The following HBG1 variants were observed in gnomAD, a reference collection of about 807,000 sequenced individuals.
The protein encoded by HBG1 is hemoglobin subunit gamma-1.
Under a neutral mutation model 5.9 loss-of-function variants are expected in HBG1, and 1 was observed. The ratio of observed to expected loss-of-function variants is 0.17; its 90% CI spans 0.06 to 0.81. HBG1 has a LOEUF of 0.81. Ranked by LOEUF, HBG1 falls within the 30% of genes least tolerant of loss-of-function variation. The probability of loss-of-function intolerance (pLI) is 0.73; values close to 1 mark genes in which losing one functional copy is unlikely to be tolerated. For synonymous variants in HBG1, 19 were observed against 50.5 expected, an observed-to-expected ratio of 0.38 and a Z score of 2.64; for missense variants, 57 against 122.0, an observed-to-expected ratio of 0.47 and a Z score of 2.51.
Position 5,249,718 on chromosome 11 carries a change from C to T in HBG1, c.87G>A (p.Leu29=). Residue 29 remains leucine (L), a synonymous_variant, in exon 1 of 3, where the codon CTG becomes CTA. Coordinates refer to ENST00000330597, the MANE Select transcript of HBG1 (RefSeq NM_000559.3). ...TCCTGGTCACCAGAGCCTACCTTCC[C>T]AGGGTTTCTCCTCCAGCATCTTCCA... is the stretch of plus-strand genomic sequence containing the variant. ...VNVEDAGGET[L]GRLLVVYPWT... is the part of the protein sequence containing the mutation. 2.7e-6 allele frequency: 1 copy of T among 366,214 alleles called. No homozygotes were observed. The allele number at this position is 366,214 out of a possible 1,614,324, so 22.7% of individuals were successfully genotyped here.
In HBG1 at chr11:5,248,325, T is replaced by A; in HGVS notation, c.*34A>T. On this transcript the variant is annotated 3_prime_UTR_variant, in exon 3 of 3. Coordinates refer to ENST00000330597, the MANE Select transcript of HBG1 (RefSeq NM_000559.3). Reference sequence around the variant, plus strand: ...TTTGTATTGCTTGCAGAATAAAGCCTATCCTTGAAAGCTCTGAATCATGGG... The same window carrying A: ...TTTGTATTGCTTGCAGAATAAAGCCAATCCTTGAAAGCTCTGAATCATGGG... 6.2e-7 allele frequency: 1 copy of A among 1,612,392 alleles called. No homozygotes were observed. Among genetic ancestry groups the A allele is most frequent in the Non-Finnish European group, 8.5e-7 (1 of 1,178,446 alleles).
rs2133609164 is a variant in HBG1 at position 5,249,602 on chromosome 11, A to G, written c.93-12T>C. On this transcript the variant is annotated splice_polypyrimidine_tract_variant and intron_variant, in intron 1 of 2. Coordinates refer to ENST00000330597, the MANE Select transcript of HBG1 (RefSeq NM_000559.3). ...AGACAACCAGGAGCCTGTGAGATTG[A>G]CAAGAACAGTTTGACAGTCAGAAGG... 1.4e-6 allele frequency: 1 copy of G among 729,984 alleles called. No individual in the cohort carries two copies. The highest frequency in any genetic ancestry group is 1.8e-5 in the South Asian group (1 of 54,742). The allele number at this position is 729,984 out of a possible 1,614,324, so 45.2% of individuals were successfully genotyped here. A position where few individuals can be genotyped will look rare whatever the true frequency, so the allele number is the denominator to read the frequency against.
At position 5,248,305 on chromosome 11, in the gene HBG1, A is replaced by G; in HGVS notation, c.*54T>C. 6.4e-7 allele frequency: 1 copy of G among 1,564,840 alleles called. No homozygotes were observed. Among genetic ancestry groups the G allele is most frequent in the Non-Finnish European group, 8.7e-7 (1 of 1,151,450 alleles). ...TCAGCAGAATAGATTTATTATTTGT[A>G]TTGCTTGCAGAATAAAGCCTATCCT... On this transcript the variant is annotated 3_prime_UTR_variant, in exon 3 of 3. Transcript: ENST00000330597.
At position 5,248,312 on chromosome 11, in the gene HBG1, G is replaced by A. The variant is rs1257967545; in HGVS notation, c.*47C>T. 18 of 1,605,706 alleles carry A rather than the reference G, an allele frequency of 1.1e-5. No individual in the cohort carries two copies. In the South Asian group the frequency reaches 1.5e-4, roughly 14 times the overall value. Reference sequence around the variant, plus strand: ...AATAGATTTATTATTTGTATTGCTTGCAGAATAAAGCCTATCCTTGAAAGC... The same window carrying A: ...AATAGATTTATTATTTGTATTGCTTACAGAATAAAGCCTATCCTTGAAAGC... On this transcript the variant is annotated 3_prime_UTR_variant, in exon 3 of 3. Transcript: ENST00000330597.
In HBG1 at chr11:5,248,303, G is replaced by C; in HGVS notation, c.*56C>G. 10 of 1,597,662 alleles carry C rather than the reference G, an allele frequency of 6.3e-6. No homozygotes were observed. Among genetic ancestry groups the C allele is most frequent in the Non-Finnish European group, 7.7e-6 (9 of 1,165,818 alleles). ...TCTCAGCAGAATAGATTTATTATTT[G>C]TATTGCTTGCAGAATAAAGCCTATC... is the stretch of plus-strand genomic sequence containing the variant. On this transcript the variant is annotated 3_prime_UTR_variant, in exon 3 of 3. Transcript: ENST00000330597.
At chr11:5,248,846 C>T (rs1230849289) in intron 2 of HBG1, among the ~76,000 whole-genome samples, 1 of 150,322 alleles carries the variant, frequency 6.7e-6, no homozygotes, top group East Asian at 2.0e-4. Context: ...TTCAATTGTT[C>T]CTCACCCCTG....
intron 2 of HBG1, among the ~76,000 whole-genome samples, chr11:5,248,701 G>T (rs2187608): frequency 2.7e-5 from 4 of 150,500 alleles, no homozygotes; most frequent in African/African-American, 1.0e-4. Flanking sequence ...CTATCTTCTT[G>T]CCACCATGAA....
rs11821810 is a variant in HBG1, at chr11:5,249,220, C to G, written c.315+148G>C. 8.8e-3 allele frequency: 6,450 copies of G among 736,990 alleles called. 1,562 individuals carry two copies. The African/African-American group carries it at 0.1, about 11-fold the overall frequency. 45.7% of individuals were successfully genotyped at this position (736,990 alleles called of 1,614,324 possible). On this transcript the variant is annotated intron_variant, in intron 2 of 2. Transcript: ENST00000330597. ...AGGCCCTAAAACATTACCACTGGGT[C>G]TCAGCCCAGTTAGTCCTCTGCAGTT...
At position 5,248,379 on chromosome 11, in the gene HBG1, G is replaced by C; in HGVS notation, c.424C>G (p.Leu142Val). 1 of 1,614,116 alleles carries C rather than the reference G, an allele frequency of 6.2e-7. No homozygotes were observed. The highest frequency in any genetic ancestry group is 8.5e-7 in the Non-Finnish European group (1 of 1,179,990). Residue 142 changes from leucine to valine, a missense_variant, in exon 3 of 3, where the codon CTG becomes GTG. Physicochemically the swap from Leu to Val is conservative, Grantham distance 32. Around this residue, in one of 2 missense-constraint regions of HBG1, gnomAD observed 43 missense variants for 44.9 expected, o/e 0.96. Transcript: ENST00000330597. The part of the protein sequence containing the change: ...QKMVTAVASA[L>V]SSRYH Reference sequence around the variant, plus strand: ...TGAGCTCAGTGGTATCTGGAGGACAGGGCACTGGCCACTGCAGTCACCATC... The same window carrying C: ...TGAGCTCAGTGGTATCTGGAGGACACGGCACTGGCCACTGCAGTCACCATC...
In HBG1 at chr11:5,248,303, GT is replaced by G. The variant is rs3841756; in HGVS notation, c.*55del. The stretch of plus-strand genomic sequence containing the variant: ...TCTCAGCAGAATAGATTTATTATTT[GT>G]ATTGCTTGCAGAATAAAGCCTATCC... On this transcript the variant is annotated 3_prime_UTR_variant, in exon 3 of 3. Coordinates refer to ENST00000330597, the MANE Select transcript of HBG1 (RefSeq NM_000559.3). 222,492 of 1,587,564 alleles carry G rather than the reference GT, an allele frequency of 0.14. 18,547 individuals are homozygous for G. The highest frequency in any genetic ancestry group is 0.41 in the East Asian group (18,222 of 44,444).
At position 5,248,325 on chromosome 11, in the gene HBG1, T is replaced by G. The variant is rs113910406; in HGVS notation, c.*34A>C. On this transcript the variant is annotated 3_prime_UTR_variant, in exon 3 of 3. Coordinates refer to ENST00000330597, the MANE Select transcript of HBG1 (RefSeq NM_000559.3). The stretch of plus-strand genomic sequence containing the variant: ...TTTGTATTGCTTGCAGAATAAAGCC[T>G]ATCCTTGAAAGCTCTGAATCATGGG... The G allele has an allele frequency of 7.0e-3, 11,343 of 1,612,388 alleles. 62 individuals are homozygous for G. Among genetic ancestry groups the G allele is most frequent in the Non-Finnish European group, 7.9e-3 (9,279 of 1,178,442 alleles).
chr11:5,249,070 C>A (rs11821791), intron 2 of HBG1, among the ~76,000 whole-genome samples: 18,131 of 117,574 alleles, frequency 0.15, 6,230 homozygotes, highest in African/African-American at 0.52. Flanking sequence ...TTTAAAACAA[C>A]AAAAATGAGG....
chr11:5,248,732 AGAC>A (rs1847910444), intron 2 of HBG1, among the ~76,000 whole-genome samples: 1 of 150,918 alleles, frequency 6.6e-6, no homozygotes, highest in Non-Finnish European at 1.5e-5. Context: ...TGTAGGCTGA[AGAC>A]GTTAAAAGAA....
At position 5,248,344 on chromosome 11, in the gene HBG1, T is replaced by G. The variant is rs112286603; in HGVS notation, c.*15A>C. On this transcript the variant is annotated 3_prime_UTR_variant, in exon 3 of 3. Coordinates refer to ENST00000330597, the MANE Select transcript of HBG1 (RefSeq NM_000559.3). Reference sequence around the variant, plus strand: ...AAAGCCTATCCTTGAAAGCTCTGAATCATGGGCAGTGAGCTCAGTGGTATC... The same window carrying G: ...AAAGCCTATCCTTGAAAGCTCTGAAGCATGGGCAGTGAGCTCAGTGGTATC... 1,136 of 1,613,914 alleles carry G rather than the reference T, an allele frequency of 7.0e-4. 9 individuals carry two copies. The African/African-American group carries it at 0.014, about 19-fold the overall frequency.
At chr11:5,248,722 T>C (rs1255686644) in intron 2 of HBG1, among the ~76,000 whole-genome samples, 1 of 151,334 alleles carries the variant, frequency 6.6e-6, no homozygotes, top group Non-Finnish European at 1.5e-5. Context: ...CCCTGTATGT[T>C]GTAGGCTGAA....
chr11:5,248,612 C>A (rs993228320), intron 2 of HBG1, 125 bp from the exon 3 acceptor site: 48 of 1,188,434 alleles, frequency 4.0e-5, no homozygotes, highest in Non-Finnish European at 5.8e-5. Flanking sequence ...TCCCTCAAAG[C>A]CTGAGATTTT....
At chr11:5,248,527 T>C in intron 2 of HBG1, 40 bp from the exon 3 acceptor site, 3 of 1,583,202 alleles carry the variant, frequency 1.9e-6, no homozygotes, top group Non-Finnish European at 2.6e-6. Context: ...GAACCCATAG[T>C]GAGCTGAGAG....
At chr11:5,248,996 C>T (rs1467295218) in intron 2 of HBG1, among the ~76,000 whole-genome samples, 3 of 144,308 alleles carry the variant, frequency 2.1e-5, no homozygotes, top group Non-Finnish European at 3.1e-5. Flanking sequence ...TTTGACTGAG[C>T]CAATATATGC....
rs773798213 is a variant in HBG1, at chr11:5,248,436, A to G, written c.367T>C (p.Phe123Leu). 16 of 1,613,894 alleles carry G rather than the reference A, an allele frequency of 9.9e-6. No individual in the cohort carries two copies. In the Admixed American group the frequency reaches 1.2e-4, roughly 12 times the overall value. ...CAGGAAGCCTGCACCTCAGGGGTGA[A>G]TTCTTTGCCGAAATGGATTGCCAAA... ...TVLAIHFGKE[F>L]TPEVQASWQK... The change falls in exon 3 of 3, where the codon TTC becomes CTC. Residue 123 changes from phenylalanine (F) to leucine (L), a missense_variant. This residue lies in a region of HBG1 where 43 missense variants were observed against 44.9 expected (regional missense o/e 0.96). Transcript: ENST00000330597.
Sources: gnomAD v4.1 joint callset for allele counts (sites outside exome capture counted in the v4.1 genomes callset) on GRCh38, gnomAD v4.1.1 for gene constraint, gnomAD v4.1.1 regional missense constraint, MANE v1.5 for transcripts, NCBI Gene and HGNC (gene_info 2026-07-23, HGNC 2026-07-21) for gene names.